GPKOW: variants seen among roughly 807,000 people sequenced by gnomAD.
GPKOW encodes the protein G-patch domain and KOW motifs, also known as G-patch domain and KOW motifs-containing protein.
For missense variants in GPKOW, 359 were observed against 404.7 expected, an observed-to-expected ratio of 0.89 and a Z score of 0.97; for synonymous variants, 167 against 159.1, an observed-to-expected ratio of 1.05 and a Z score of -0.37.
chrX:49,116,236 T>G lies in GPKOW; in HGVS notation c.1001A>C (p.Lys334Thr). Residue 334 changes from lysine to threonine, a missense_variant, in exon 7 of 11, where the codon AAA (lysine) becomes ACA (threonine). Coordinates refer to ENST00000156109, the MANE Select transcript of GPKOW (RefSeq NM_015698.6). The stretch of plus-strand genomic sequence containing the variant: ...AGAGTCCCACCGGTCTGGAAGGTGT[T>G]TCCGCTTCCTCTCTGAGTTGTCCTG... Reference protein sequence around the residue: ...IQQDNSERKRKHLPDRQDGPA... With the variant: ...IQQDNSERKRTHLPDRQDGPA... 1.7e-6 allele frequency: 2 copies of G among 1,197,753 alleles called. No homozygotes were observed. The highest frequency in any genetic ancestry group is 2.3e-6 in the Non-Finnish European group (2 of 882,858).
intron 1 of GPKOW, 139 bp from the exon 2 acceptor site, chrX:49,122,915 T>C: frequency 2.0e-6 from 1 of 495,348 alleles, no homozygotes; most frequent in Non-Finnish European, 3.5e-6. Flanking sequence ...CTGGATCTCC[T>C]GTTCCTCTCT....
At chrX:49,118,456 T>G (rs73632402) in intron 4 of GPKOW, among the ~76,000 whole-genome samples, 7,847 of 109,881 alleles carry the variant, frequency 0.071, 734 homozygotes, top group African/African-American at 0.25. Flanking sequence ...ATACTCAACA[T>G]GGTTGGGCAT....
intron 1 of GPKOW, among the ~76,000 whole-genome samples, chrX:49,123,325 C>T (rs782207369): frequency 9.8e-5 from 11 of 111,854 alleles, no homozygotes; most frequent in Non-Finnish European, 2.1e-4. Context: ...CCTAAAGACA[C>T]TTCTTCTCAG....
At chrX:49,122,089 A>T (rs1557091108) in intron 3 of GPKOW, among the ~76,000 whole-genome samples, 1 of 111,815 alleles carries the variant, frequency 8.9e-6, no homozygotes, top group African/African-American at 3.2e-5. Flanking sequence ...CCCCTTACTC[A>T]TTCCACTTCA....
intron 3 of GPKOW, 147 bp downstream of exon 3, chrX:49,122,251 G>T: frequency 2.4e-6 from 1 of 423,421 alleles, no homozygotes; most frequent in Non-Finnish European, 3.7e-6. Context: ...GATTCATTTG[G>T]TAATGCTTCC....
In GPKOW at chrX:49,117,800, G is replaced by C; in HGVS notation, c.577C>G (p.Pro193Ala). ...TTGGGCCTCAGTGAGTTGACACGGGGCTTCACTACTCTGCAGGGAGGAATA... is the reference window on the plus strand; with the variant it reads ...TTGGGCCTCAGTGAGTTGACACGGGCCTTCACTACTCTGCAGGGAGGAATA... ...IGRTFNQVVKPRVNSLRPKGL... is the reference protein window; with the variant it reads ...IGRTFNQVVKARVNSLRPKGL... Residue 193 changes from proline (P) to alanine (A), a missense_variant, in exon 5 of 11, where the codon CCC (proline) becomes GCC (alanine). Coordinates refer to ENST00000156109, the MANE Select transcript of GPKOW (RefSeq NM_015698.6). 8.5e-7 allele frequency: 1 copy of C among 1,183,241 alleles called. No homozygotes were observed.
chrX:49,116,029 C>A lies in GPKOW; in HGVS notation c.1017-15G>T. On this transcript the variant is annotated splice_polypyrimidine_tract_variant and intron_variant, in intron 7 of 10. Coordinates refer to ENST00000156109, the MANE Select transcript of GPKOW (RefSeq NM_015698.6). ...GCCCATCCTGTCTGTGGAGAAGGTG[C>A]CAGCACCAGGCTTAGCTCTTCATCA... The A allele has an allele frequency of 3.3e-6, 4 of 1,210,724 alleles. No individual in the cohort carries two copies. The highest frequency in any genetic ancestry group is 1.8e-5 in the South Asian group (1 of 56,928).
intron 4 of GPKOW, among the ~76,000 whole-genome samples, chrX:49,118,099 T>A (rs1375969952): frequency 9.1e-6 from 1 of 109,435 alleles, no homozygotes; most frequent in African/African-American, 3.3e-5. Flanking sequence ...TTTTGTATTT[T>A]TAGTAGAGAC....
At chrX:49,122,051 T>G (rs1464951280) in intron 3 of GPKOW, among the ~76,000 whole-genome samples, 2 of 111,803 alleles carry the variant, frequency 1.8e-5, no homozygotes, top group African/African-American at 6.5e-5. Context: ...CACCCCCATC[T>G]CCTTTCTGAC....
rs143470374 is a variant in GPKOW at position 49,116,231 on chromosome X, G to T, written c.1006C>A (p.Leu336Ile). The change falls in exon 7 of 11, where the codon CTT becomes ATT. Residue 336 changes from leucine to isoleucine, a missense_variant. Leu to Ile is a conservative substitution (Grantham distance 5, BLOSUM62 2). Coordinates refer to ENST00000156109, the MANE Select transcript of GPKOW (RefSeq NM_015698.6). ...QDNSERKRKH[L>I]PDRQDGPAAK... is the part of the protein sequence containing the mutation. ...TGCTCAGAGTCCCACCGGTCTGGAA[G>T]GTGTTTCCGCTTCCTCTCTGAGTTG... 8.4e-7 allele frequency: 1 copy of T among 1,193,110 alleles called. No individual in the cohort carries two copies. The highest frequency in any genetic ancestry group is 1.1e-6 in the Non-Finnish European group (1 of 878,533).
At chrX:49,120,786 C>T (rs1217121006) in intron 3 of GPKOW, among the ~76,000 whole-genome samples, 1 of 110,074 alleles carries the variant, frequency 9.1e-6, no homozygotes, top group Non-Finnish European at 1.9e-5. Flanking sequence ...GCCTCAGCCT[C>T]CCGAGTAGCT....
chrX:49,122,907 G>A (rs781895541), intron 1 of GPKOW, 131 bp from the exon 2 acceptor site: 119 of 513,556 alleles, frequency 2.3e-4, no homozygotes, highest in Non-Finnish European at 3.3e-4. Flanking sequence ...CTCCATGTCT[G>A]GATCTCCTGT....
chrX:49,123,643 G>T lies in GPKOW; in HGVS notation c.80C>A (p.Ser27Tyr), dbSNP rs781974406. The T allele has an allele frequency of 2.5e-6, 3 of 1,209,079 alleles. No individual in the cohort carries two copies. The highest frequency in any genetic ancestry group is 5.9e-5 in the East Asian group (2 of 33,660). ...APISFGFTRTSARRRLADSGD... is the reference protein window; with the variant it reads ...APISFGFTRTYARRRLADSGD... Reference sequence around the variant, plus strand: ...CGAGTCGGCCAGCCGCCTCCGTGCGGACGTGCGAGTGAAGCCGAATGAAAT... The same window carrying T: ...CGAGTCGGCCAGCCGCCTCCGTGCGTACGTGCGAGTGAAGCCGAATGAAAT... The change falls in exon 1 of 11, where the codon TCC (serine) becomes TAC (tyrosine). Residue 27 changes from serine (S) to tyrosine (Y), a missense_variant. Ser to Tyr is a moderately radical substitution (Grantham distance 144). Coordinates refer to ENST00000156109, the MANE Select transcript of GPKOW (RefSeq NM_015698.6).
Position 49,119,598 on chromosome X carries a change from T to G in GPKOW, c.566+107A>C, listed in dbSNP as rs1479028207. 6.6e-6 allele frequency: 3 copies of G among 457,394 alleles called. No homozygotes were observed. In the East Asian group the frequency reaches 1.2e-4, roughly 18 times the overall value. The allele number at this position is 457,394 out of a possible 1,213,427, so 37.7% of individuals were successfully genotyped here. The stretch of plus-strand genomic sequence containing the variant: ...GCTGCTGAATTAGTTAGGGCGATAA[T>G]GTATCCTCCCTCCCTGCCTAGGTGG... On this transcript the variant is annotated intron_variant, in intron 4 of 10. Transcript: ENST00000156109.
In GPKOW at chrX:49,113,835, G is replaced by A; in HGVS notation, c.1296+18C>T. On this transcript the variant is annotated intron_variant, in intron 10 of 10. Coordinates refer to ENST00000156109, the MANE Select transcript of GPKOW (RefSeq NM_015698.6). ...CCTGAACGACCCACAAACCTCTACT[G>A]CCAGGTCTGAGACTCACCCTTCCAG... The A allele has an allele frequency of 3.3e-6, 4 of 1,202,119 alleles. No homozygotes were observed. The highest frequency in any genetic ancestry group is 4.5e-6 in the Non-Finnish European group (4 of 886,775).
chrX:49,116,034 A>G lies in GPKOW; in HGVS notation c.1017-20T>C. On this transcript the variant is annotated intron_variant, in intron 7 of 10. Coordinates refer to ENST00000156109, the MANE Select transcript of GPKOW (RefSeq NM_015698.6). ...TCCTGTCTGTGGAGAAGGTGCCAGC[A>G]CCAGGCTTAGCTCTTCATCAGATGC... 15 of 1,210,565 alleles carry G rather than the reference A, an allele frequency of 1.2e-5. No individual in the cohort carries two copies. Among genetic ancestry groups the G allele is most frequent in the Non-Finnish European group, 1.7e-5 (15 of 894,899 alleles).
In GPKOW at chrX:49,122,502, C is replaced by CTGG. The variant is rs782275551; in HGVS notation, c.351_352insCCA (p.Glu117_Glu118insPro). 2.5e-6 allele frequency: 3 copies of CTGG among 1,205,985 alleles called. No individual in the cohort carries two copies. The African/African-American group carries it at 5.2e-5, about 21-fold the overall frequency. ...GGGTCGACACCCGCATTCTCTCTCT[C>CTGG]TTCCAGAGACTTCTTGGATTCTAAA... On this transcript the variant is annotated inframe_insertion, in exon 3 of 11. Transcript: ENST00000156109.
Position 49,115,883 on chromosome X carries a change from G to T in GPKOW, c.1140+8C>A, listed in dbSNP as rs202039968. The T allele has an allele frequency of 8.3e-7, 1 of 1,209,059 alleles. No individual in the cohort carries two copies. The highest frequency in any genetic ancestry group is 1.7e-5 in the African/African-American group (1 of 57,351). ...GAGGGAGGGGGACTCAGGCTGCAGG[G>T]TTCCCACCTTGGTGTTGTAATATTG... On this transcript the variant is annotated splice_region_variant and intron_variant, in intron 8 of 10. Coordinates refer to ENST00000156109, the MANE Select transcript of GPKOW (RefSeq NM_015698.6).
Position 49,113,684 on chromosome X carries a change from C to T in GPKOW, c.1368G>A (p.Val456=). The change falls in exon 11 of 11, where the codon GTG becomes GTA. Residue 456 remains valine, a synonymous_variant. Transcript: ENST00000156109. ...ALVQLPRENQ[V]VELHYDAICQ... is the part of the protein sequence containing the mutation. ...AGATGGCATCGTAGTGAAGCTCCAC[C>T]ACCTGATTTTCTCTTGGCAGTTGCA... 8.3e-7 allele frequency: 1 copy of T among 1,209,720 alleles called. No homozygotes were observed. The highest frequency in any genetic ancestry group is 1.1e-6 in the Non-Finnish European group (1 of 893,988).
Sources: gnomAD v4.1 joint callset for allele counts (sites outside exome capture counted in the v4.1 genomes callset) on GRCh38, gnomAD v4.1.1 for gene constraint, MANE v1.5 for transcripts, NCBI Gene and HGNC (gene_info 2026-07-23, HGNC 2026-07-21) for gene names.